ATXN7: variants seen among roughly 807,000 people sequenced by gnomAD.
The protein encoded by ATXN7 is ataxin-7.
In ATXN7, 12 loss-of-function variants were observed where a neutral mutation model predicts 70.5. That is an observed-to-expected ratio of 0.17 (90% CI 0.11 to 0.28). ATXN7 has a LOEUF of 0.28. Among genes scored for constraint, ATXN7 ranks in the 10% least tolerant of loss-of-function variants. The probability of loss-of-function intolerance (pLI) is 1.00; values close to 1 mark genes in which losing one functional copy is unlikely to be tolerated. For missense variants in ATXN7, 1,256 were observed against 1,131.7 expected (o/e 1.11, Z -1.58); for synonymous variants, 498 against 448.7 (o/e 1.11, Z -1.39).
At chr3:63,881,136 C>T (rs1702894869) in intron 1 of ATXN7, among the ~76,000 whole-genome samples, 1 of 152,166 alleles carries the variant, frequency 6.6e-6, no homozygotes, top group Non-Finnish European at 1.5e-5. Context: ...TAAACCCCAT[C>T]AGAGAAGTGA....
chr3:63,979,140 G>C (rs949161662), intron 5 of ATXN7, among the ~76,000 whole-genome samples: 1 of 152,204 alleles, frequency 6.6e-6, no homozygotes, highest in Non-Finnish European at 1.5e-5. Flanking sequence ...AAGAAAACCT[G>C]ATTCTCCAGT....
chr3:63,865,275 T>C (rs1382777914), intron 1 of ATXN7: 1 of 152,226 alleles, frequency 6.6e-6, no homozygotes, highest in Non-Finnish European at 1.5e-5. Flanking sequence ...ACTTCAATAA[T>C]ACCATTACAG....
intron 1 of ATXN7, chr3:63,864,569 A>C (rs1484343765): frequency 6.6e-6 from 1 of 152,130 alleles, no homozygotes; most frequent in African/African-American, 2.4e-5. Flanking sequence ...AAAAGGGTGA[A>C]AGAGAAACTT....
intron 1 of ATXN7, among the ~76,000 whole-genome samples, chr3:63,897,923 TAATTG>T (rs1395675486): frequency 6.6e-6 from 1 of 152,214 alleles, no homozygotes; most frequent in Non-Finnish European, 1.5e-5. Flanking sequence ...TAAGATGGTT[TAATTG>T]AATTGTTACC....
intron 5 of ATXN7, among the ~76,000 whole-genome samples, chr3:63,972,402 T>C (rs921753099): frequency 6.6e-6 from 1 of 152,218 alleles, no homozygotes; most frequent in Non-Finnish European, 1.5e-5. Context: ...CCTTGAAGCA[T>C]GCATTGGTAT....
chr3:63,949,295 A>G (rs1476990880), intron 4 of ATXN7, among the ~76,000 whole-genome samples: 6 of 151,140 alleles, frequency 4.0e-5, no homozygotes, highest in Non-Finnish European at 8.8e-5. Context: ...TTTTATTTAA[A>G]TTATTTTGTA....
At chr3:63,987,922 C>T (rs1269568135) in intron 8 of ATXN7, 137 bp from the exon 9 acceptor site, 5 of 1,064,628 alleles carry the variant, frequency 4.7e-6, no homozygotes, top group Middle Eastern at 2.7e-4. Flanking sequence ...AGGTTTTTAG[C>T]TTATCAAATG....
At chr3:63,907,270 G>T (rs566151697) in intron 2 of ATXN7, among the ~76,000 whole-genome samples, 147 of 152,196 alleles carry the variant, frequency 9.7e-4, no homozygotes, top group African/African-American at 3.4e-3. Flanking sequence ...TAGAACCCAC[G>T]CTCTTAATGG....
chr3:63,977,340 C>T (rs2075404793), intron 5 of ATXN7, among the ~76,000 whole-genome samples: 1 of 152,188 alleles, frequency 6.6e-6, no homozygotes, highest in African/African-American at 2.4e-5. Context: ...TTTATCTAAT[C>T]ATTTGATCTT....
chr3:63,939,957 A>G (rs191001285), intron 4 of ATXN7, among the ~76,000 whole-genome samples: 12 of 152,140 alleles, frequency 7.9e-5, no homozygotes, highest in Admixed American at 7.2e-4. Flanking sequence ...ACCTATTCCT[A>G]GGGTGTTAAA....
intron 2 of ATXN7, among the ~76,000 whole-genome samples, chr3:63,908,157 T>C (rs1703903924): frequency 6.6e-6 from 1 of 152,190 alleles, no homozygotes; most frequent in African/African-American, 2.4e-5. Flanking sequence ...TCTTGCAACT[T>C]TCCTTATTAT....
chr3:63,980,615 TTCTG>T (rs2075470438), intron 6 of ATXN7: 1 of 175,832 alleles, frequency 5.7e-6, no homozygotes, highest in Non-Finnish European at 1.2e-5. Flanking sequence ...AAGGCACTGT[TTCTG>T]TCTAAGAATA....
chr3:63,941,026 C>T (rs534555471), intron 4 of ATXN7, among the ~76,000 whole-genome samples: 1 of 152,206 alleles, frequency 6.6e-6, no homozygotes, highest in African/African-American at 2.4e-5. Flanking sequence ...CCCCACCTGC[C>T]ATTCCTAACG....
chr3:63,876,180 AG>A (rs1359870521), intron 1 of ATXN7, among the ~76,000 whole-genome samples: 5 of 152,212 alleles, frequency 3.3e-5, no homozygotes, highest in Non-Finnish European at 7.3e-5. Flanking sequence ...AAAGAATGCG[AG>A]TAAAGTTCTA....
At chr3:63,875,170 G>A (rs1702712760) in intron 1 of ATXN7, among the ~76,000 whole-genome samples, 1 of 151,996 alleles carries the variant, frequency 6.6e-6, no homozygotes, top group South Asian at 2.1e-4. Context: ...GTCCAGGCCG[G>A]TCTTGAACTC....
rs547172031 is a variant in ATXN7, at chr3:63,882,586, A to G, written c.-110-15813A>G. 2.6e-4 allele frequency among the ~76,000 whole-genome samples: 39 copies of G among 151,666 alleles called. No individual in the cohort carries two copies. In the South Asian group the frequency reaches 6.5e-3, roughly 25 times the overall value. On this transcript the variant is annotated intron_variant, in intron 1 of 12. Transcript: ENST00000674280. ...ATTTTTAGTAGAGACCGATTTCACC[A>G]TGTTGGCCGGGCTGATCTTGAATGG...
intron 4 of ATXN7, among the ~76,000 whole-genome samples, chr3:63,942,753 C>G (rs2074792777): frequency 6.6e-6 from 1 of 152,172 alleles, no homozygotes; most frequent in Non-Finnish European, 1.5e-5. Flanking sequence ...ACATACATAG[C>G]ACATGCTCCA....
chr3:63,933,547 T>C (rs1559637404), intron 4 of ATXN7, among the ~76,000 whole-genome samples: 1 of 152,184 alleles, frequency 6.6e-6, no homozygotes, highest in African/African-American at 2.4e-5. Flanking sequence ...CTCCACAGTC[T>C]CAAAAGCAAA....
At chr3:63,976,563 TAAG>T (rs1277333729) in intron 5 of ATXN7, among the ~76,000 whole-genome samples, 10 of 152,346 alleles carry the variant, frequency 6.6e-5, no homozygotes, top group Admixed American at 1.3e-4. Flanking sequence ...ACTTTTAACT[TAAG>T]AAGCTTTGAA....
Sources: allele counts gnomAD v4.1 joint callset (sites outside exome capture counted in the v4.1 genomes callset), GRCh38; gene constraint gnomAD v4.1.1; transcripts MANE v1.5; gene names NCBI Gene and HGNC (gene_info 2026-07-23, HGNC 2026-07-21).